MYO5B: variants seen among roughly 807,000 people sequenced by gnomAD.
MYO5B encodes the protein myosin VB.
In MYO5B, 143 loss-of-function variants were observed where a neutral mutation model predicts 229.3. The ratio of observed to expected loss-of-function variants is 0.62; its 90% CI spans 0.54 to 0.72. The LOEUF (loss-of-function observed/expected upper bound fraction) is 0.72. Among genes scored for constraint, MYO5B ranks in the 30% least tolerant of loss-of-function variants. The pLI is 0.00. For missense variants in MYO5B, 2,321 were observed against 2,331.0 expected (o/e 1.00, Z 0.09); for synonymous variants, 918 against 885.2 (o/e 1.04, Z -0.66).
At chr18:49,863,456 A>C in intron 28 of MYO5B, 129 bp from the exon 29 acceptor site, 6 of 777,086 alleles carry the variant, frequency 7.7e-6, no homozygotes, top group East Asian at 5.4e-5. Flanking sequence ...GATAACCACA[A>C]TCAAACCCAC....
intron 1 of MYO5B, among the ~76,000 whole-genome samples, chr18:50,176,805 C>G (rs898285534): frequency 2.0e-5 from 3 of 152,210 alleles, no homozygotes; most frequent in Admixed American, 1.3e-4. Context: ...CTAAAGGCTG[C>G]AACTATTTAA....
chr18:50,132,607 A>T (rs1318448048), intron 1 of MYO5B, among the ~76,000 whole-genome samples: 1 of 152,222 alleles, frequency 6.6e-6, no homozygotes, highest in African/African-American at 2.4e-5. Flanking sequence ...TAAAATGCTT[A>T]TCTCCACCAT....
At chr18:50,113,586 CA>C (rs2031906957) in intron 1 of MYO5B, among the ~76,000 whole-genome samples, 1 of 152,186 alleles carries the variant, frequency 6.6e-6, no homozygotes, top group South Asian at 2.1e-4. Flanking sequence ...TTATCAGGCG[CA>C]CGTACAAAAT....
chr18:50,034,199 A>G (rs2144379176), intron 4 of MYO5B, among the ~76,000 whole-genome samples: 1 of 152,368 alleles, frequency 6.6e-6, no homozygotes, highest in Non-Finnish European at 1.5e-5. Context: ...CTTGAACCAC[A>G]TAATTATTTC....
At chr18:50,143,414 C>A (rs1171315182) in intron 1 of MYO5B, among the ~76,000 whole-genome samples, 4 of 152,288 alleles carry the variant, frequency 2.6e-5, no homozygotes, top group African/African-American at 9.6e-5. Context: ...AAGAGCAGAA[C>A]CACCTTCTAA....
At chr18:49,911,955 C>G in intron 18 of MYO5B, 107 bp downstream of exon 18, 1 of 850,508 alleles carries the variant, frequency 1.2e-6, no homozygotes, top group East Asian at 2.4e-5. Flanking sequence ...GAAATAGATT[C>G]AGTAAGAAGG....
At chr18:49,919,470 A>G (rs992905366) in intron 17 of MYO5B, among the ~76,000 whole-genome samples, 1 of 152,222 alleles carries the variant, frequency 6.6e-6, no homozygotes, top group African/African-American at 2.4e-5. Context: ...TATAACTCCT[A>G]TAACTCAACA....
chr18:49,955,407 C>G (rs148349068), intron 12 of MYO5B, among the ~76,000 whole-genome samples: 10 of 152,372 alleles, frequency 6.6e-5, no homozygotes, highest in Admixed American at 5.9e-4. Context: ...GCTGCACACA[C>G]TTACTGACCA....
intron 29 of MYO5B, among the ~76,000 whole-genome samples, chr18:49,862,289 T>C (rs573811165): frequency 1.2e-4 from 18 of 152,298 alleles, no homozygotes; most frequent in Admixed American, 1.1e-3. Flanking sequence ...TGAGCCACTA[T>C]GCTCGGCCAG....
chr18:50,182,026 G>A (rs2033080335), intron 1 of MYO5B, among the ~76,000 whole-genome samples: 1 of 152,168 alleles, frequency 6.6e-6, no homozygotes, highest in African/African-American at 2.4e-5. Flanking sequence ...TGGATTAGAA[G>A]AACTCAAGGT....
At chr18:50,183,306 C>CATATATATATATATATATATATATAT (rs71169486) in intron 1 of MYO5B, among the ~76,000 whole-genome samples, 16 of 110,032 alleles carry the variant, frequency 1.5e-4, no homozygotes, top group African/African-American at 3.0e-4. Context: ...TCAATTTTAT[C>CATATATATATATATATATATATATAT]ATATATATAT....
At chr18:50,147,309 A>C (rs1379637503) in intron 1 of MYO5B, among the ~76,000 whole-genome samples, 2 of 152,072 alleles carry the variant, frequency 1.3e-5, no homozygotes, top group African/African-American at 2.4e-5. Flanking sequence ...AGTGAGTCTG[A>C]AGGTCTTTCT....
chr18:50,019,577 C>T (rs1018292413), intron 4 of MYO5B, among the ~76,000 whole-genome samples: 3 of 152,240 alleles, frequency 2.0e-5, no homozygotes, highest in African/African-American at 4.8e-5. Context: ...GATGTGATGT[C>T]CATCTTGGCC....
At chr18:50,084,012 C>A (rs1388205453) in intron 1 of MYO5B, among the ~76,000 whole-genome samples, 6 of 152,202 alleles carry the variant, frequency 3.9e-5, no homozygotes, top group African/African-American at 7.2e-5. Context: ...CAAGTCATAT[C>A]ATCTCCCTGT....
chr18:50,067,726 GC>G (rs1386147640), intron 1 of MYO5B, among the ~76,000 whole-genome samples: 3 of 152,118 alleles, frequency 2.0e-5, no homozygotes, highest in African/African-American at 7.2e-5. Flanking sequence ...TTTGTCTCCT[GC>G]CATGAGTGGA....
intron 1 of MYO5B, among the ~76,000 whole-genome samples, chr18:50,120,021 A>G (rs2032031685): frequency 6.6e-6 from 1 of 152,244 alleles, no homozygotes; most frequent in African/African-American, 2.4e-5. Context: ...CTTCTAGCAC[A>G]TACGGCACTA....
chr18:49,974,950 C>T (rs1367117487), intron 9 of MYO5B, among the ~76,000 whole-genome samples: 3 of 152,204 alleles, frequency 2.0e-5, no homozygotes, highest in African/African-American at 7.2e-5. Flanking sequence ...TGTCCCCTCC[C>T]TCCATGCCAG....
chr18:49,852,434 A>G (rs2024212341), intron 31 of MYO5B, among the ~76,000 whole-genome samples: 1 of 152,188 alleles, frequency 6.6e-6, no homozygotes, highest in Admixed American at 6.5e-5. Context: ...AGAGGGAGAG[A>G]GAGGGAGGGA....
At position 49,849,673 on chromosome 18, in the gene MYO5B, G is replaced by T. The variant is rs1167639966; in HGVS notation, c.4222-13C>A. The T allele has an allele frequency of 6.3e-7, 1 of 1,598,786 alleles. No individual in the cohort carries two copies. The highest frequency in any genetic ancestry group is 1.7e-5 in the Admixed American group (1 of 60,016). On this transcript the variant is annotated splice_polypyrimidine_tract_variant and intron_variant, in intron 31 of 39. Transcript: ENST00000285039. Reference sequence around the variant, plus strand: ...GTTCTTTAAGGTCCTGGAAGCAGAGGAAGCAGTGTGAGAACAGACATCAGC... The same window carrying T: ...GTTCTTTAAGGTCCTGGAAGCAGAGTAAGCAGTGTGAGAACAGACATCAGC...
Sources: allele counts gnomAD v4.1 joint callset (sites outside exome capture counted in the v4.1 genomes callset), GRCh38; gene constraint gnomAD v4.1.1; transcripts MANE v1.5; gene names NCBI Gene and HGNC (gene_info 2026-07-23, HGNC 2026-07-21).